The following CSPG4 variants were observed in gnomAD, a reference collection of about 807,000 sequenced individuals.
CSPG4 encodes the protein chondroitin sulfate proteoglycan 4 (melanoma-associated).
In CSPG4, 74 loss-of-function variants were observed where a neutral mutation model predicts 139.3. That is an observed-to-expected ratio of 0.53 (90% CI 0.44 to 0.64). The LOEUF is 0.64. CSPG4 is among the 30% of genes least tolerant of loss of function. The probability of loss-of-function intolerance (pLI) is 0.00; values close to 1 mark genes in which losing one functional copy is unlikely to be tolerated. For missense variants in CSPG4, 2,565 were observed against 3,148.3 expected (o/e 0.81, Z 4.43); for synonymous variants, 1,234 against 1,394.2 (o/e 0.89, Z 2.56).
intron 1 of CSPG4, among the ~76,000 whole-genome samples, chr15:75,700,543 C>G (rs1038511250): frequency 1.1e-4 from 16 of 152,034 alleles, no homozygotes; most frequent in African/African-American, 3.6e-4. Context: ...AGTGCCAGCC[C>G]TGCCCACTGG....
Position 75,689,898 on chromosome 15 carries a change from G to A in CSPG4, c.1167C>T (p.Asp389=), listed in dbSNP as rs148229217. 0.13 allele frequency: 208,552 copies of A among 1,609,954 alleles called. 13,355 individuals are homozygous for A. The highest frequency in any genetic ancestry group is 0.24 in the Middle Eastern group (1,435 of 6,014). Reference sequence around the variant, plus strand: ...AAGCTTCATAATGTCCATAGGCATCGTCCTCATACTCCTCCTCCTCCAGCC... The same window carrying A: ...AAGCTTCATAATGTCCATAGGCATCATCCTCATACTCCTCCTCCTCCAGCC... The part of the protein sequence containing the change: ...GCRLEEEEYE[D]DAYGHYEAFS... Residue 389 remains aspartate, a synonymous_variant, in exon 3 of 10, where the codon GAC becomes GAT. Transcript: ENST00000308508.
Position 75,689,449 on chromosome 15 carries a change from G to A in CSPG4, c.1616C>T (p.Thr539Ile), listed in dbSNP as rs1202458214. The A allele has an allele frequency of 4.3e-6, 7 of 1,612,708 alleles. No homozygotes were observed. The highest frequency in any genetic ancestry group is 5.1e-6 in the Non-Finnish European group (6 of 1,179,868). The part of the protein sequence containing the change: ...PMPSCLRRGQ[T>I]YLLPIQVNPV... ...GTTGACCTGGATGGGCAGGAGGTATGTTTGGCCCCTCCGAAGGCATGAGGG... is the reference window on the plus strand; with the variant it reads ...GTTGACCTGGATGGGCAGGAGGTATATTTGGCCCCTCCGAAGGCATGAGGG... The change falls in exon 3 of 10, where the codon ACA (threonine) becomes ATA (isoleucine). Residue 539 changes from threonine (T) to isoleucine (I), a missense_variant. By Grantham distance (89) the Thr-to-Ile change is moderately conservative. Coordinates refer to ENST00000308508, the MANE Select transcript of CSPG4 (RefSeq NM_001897.5).
chr15:75,690,848 C>T, intron 2 of CSPG4, 36 bp from the exon 3 acceptor site: 1 of 1,564,864 alleles, frequency 6.4e-7, no homozygotes, highest in South Asian at 1.2e-5. Context: ...TAGTGGACAG[C>T]ACTTTGGATC....
intron 1 of CSPG4, among the ~76,000 whole-genome samples, chr15:75,711,915 T>C (rs1363713495): frequency 6.6e-6 from 1 of 151,994 alleles, no homozygotes; most frequent in African/African-American, 2.4e-5. Context: ...ATTCAGCCTC[T>C]GCTGGGTCAG....
At chr15:75,685,156 G>T in intron 4 of CSPG4, 63 bp downstream of exon 4, 1 of 1,507,048 alleles carries the variant, frequency 6.6e-7, no homozygotes, top group Non-Finnish European at 8.9e-7. Context: ...GGAGTCCCCA[G>T]GGCTCCCTCC....
chr15:75,712,872 A>C, upstream of CSPG4: 1 of 822,012 alleles, frequency 1.2e-6, no homozygotes, highest in Non-Finnish European at 1.8e-6. Context: ...GTGTCCGCGC[A>C]CTTAACTCCG....
chr15:75,686,844 G>C (rs1894065952), intron 3 of CSPG4, among the ~76,000 whole-genome samples: 1 of 152,258 alleles, frequency 6.6e-6, no homozygotes, highest in African/African-American at 2.4e-5. Context: ...ACCCAGGTCT[G>C]GGCTCTGAGA....
intron 8 of CSPG4, chr15:75,680,159 T>TG (rs1893953447): frequency 6.6e-6 from 1 of 151,438 alleles, no homozygotes; most frequent in South Asian, 2.1e-4. Flanking sequence ...CCGTCTAAGA[T>TG]GGGGCAGGGC....
rs141434179 is a variant in CSPG4, at chr15:75,689,109, G to C, written c.1956C>G (p.Ala652=). ...VSDGLQASPP[A]TLKVVAIRPA... Reference sequence around the variant, plus strand: ...GCCGGATGGCCACCACCTTCAGCGTGGCCGGGGGGCTGGCCTGCAGTCCAT... The same window carrying C: ...GCCGGATGGCCACCACCTTCAGCGTCGCCGGGGGGCTGGCCTGCAGTCCAT... Residue 652 remains alanine (A), a synonymous_variant, in exon 3 of 10, where the codon GCC becomes GCG. Coordinates refer to ENST00000308508, the MANE Select transcript of CSPG4 (RefSeq NM_001897.5). 1,671 of 1,603,250 alleles carry C rather than the reference G, an allele frequency of 1.0e-3. 3 individuals are homozygous for C. The highest frequency in any genetic ancestry group is 1.9e-3 in the African/African-American group (145 of 74,856).
intron 2 of CSPG4, among the ~76,000 whole-genome samples, chr15:75,692,241 C>T (rs1435084954): frequency 6.6e-6 from 1 of 151,796 alleles, no homozygotes; most frequent in African/African-American, 2.4e-5. Flanking sequence ...GCCTCAGCCT[C>T]CCAAAGTGCT....
At position 75,687,584 on chromosome 15, in the gene CSPG4, C is replaced by A; in HGVS notation, c.3481G>T (p.Gly1161Trp). 6.2e-7 allele frequency: 1 copy of A among 1,610,756 alleles called. No individual in the cohort carries two copies. The change falls in exon 3 of 10, where the codon GGG becomes TGG. Residue 1161 changes from glycine to tryptophan, a missense_variant. Transcript: ENST00000308508. The surrounding 1 kb of genome is among the most constrained non-coding windows in gnomAD (Gnocchi z 5.4). ...HLDTNLDIRS[G>W]DEVHYHVTAG... ...GTGACGTGGTAGTGGACCTCATCCC[C>A]ACTGCGGATGTCGAGGTTGGTGTCC...
rs1893862267 is a variant in CSPG4 at position 75,674,547 on chromosome 15, C to T, written c.*1003G>A. ...GCTGAGGCCAGGCCGGAGGGCCGAC[C>T]CCAGGGGCCCTCTGTATGCAAGCCG... On this transcript the variant is annotated 3_prime_UTR_variant, in exon 10 of 10. Coordinates refer to ENST00000308508, the MANE Select transcript of CSPG4 (RefSeq NM_001897.5). 1 of 392,636 alleles carries T rather than the reference C, an allele frequency of 2.5e-6. No individual in the cohort carries two copies. The highest frequency in any genetic ancestry group is 3.6e-5 in the East Asian group (1 of 27,808). The allele number at this position is 392,636 out of a possible 1,614,324, so 24.3% of individuals were successfully genotyped here.
In CSPG4 at chr15:75,676,208, G is replaced by T. The variant is rs1288529350; in HGVS notation, c.6311C>A (p.Pro2104His). ...CTGCTCCACCAGCTGGCTGCCCCCGGGCTCCGTCCTGGCTCGGGGCACGCG... is the reference window on the plus strand; with the variant it reads ...CTGCTCCACCAGCTGGCTGCCCCCGTGCTCCGTCCTGGCTCGGGGCACGCG... ...VVRVPRARTE[P>H]GGSQLVEQFT... The change falls in exon 10 of 10, where the codon CCC (proline) becomes CAC (histidine). Residue 2104 changes from proline to histidine, a missense_variant. Physicochemically the swap from Pro to His is moderately conservative, Grantham distance 77. Transcript: ENST00000308508. 6.4e-7 allele frequency: 1 copy of T among 1,551,646 alleles called. No homozygotes were observed. Among genetic ancestry groups the T allele is most frequent in the Admixed American group, 1.9e-5 (1 of 52,232 alleles).
chr15:75,676,047 G>T lies in CSPG4; in HGVS notation c.6472C>A (p.Leu2158Met). 1 of 1,547,008 alleles carries T rather than the reference G, an allele frequency of 6.5e-7. No homozygotes were observed. Among genetic ancestry groups the T allele is most frequent in the East Asian group, 2.4e-5 (1 of 42,338 alleles). ...TTGTAAGGCTCAGTGGCAAAGTCCAGGGAGGCCACAGCAGGCGGGACGCCC... is the reference window on the plus strand; with the variant it reads ...TTGTAAGGCTCAGTGGCAAAGTCCATGGAGGCCACAGCAGGCGGGACGCCC... ...AQGVPPAVASLDFATEPYNAA... is the reference protein window; with the variant it reads ...AQGVPPAVASMDFATEPYNAA... The change falls in exon 10 of 10, where the codon CTG (leucine) becomes ATG (methionine). Residue 2158 changes from leucine (L) to methionine (M), a missense_variant. Transcript: ENST00000308508.
rs1461278439 is a variant in CSPG4 at position 75,696,702 on chromosome 15, C to T, written c.89-3469G>A. Among the ~76,000 whole-genome samples the T allele has an allele frequency of 6.6e-6, 1 of 152,138 alleles. No individual in the cohort carries two copies. Among genetic ancestry groups the T allele is most frequent in the Non-Finnish European group, 1.5e-5 (1 of 68,008 alleles). Reference sequence around the variant, plus strand: ...GAGGTTTGCTAAAGGTGGGTACATCCTCAGGCTTCCCACCCTTCCTCCCCA... The same window carrying T: ...GAGGTTTGCTAAAGGTGGGTACATCTTCAGGCTTCCCACCCTTCCTCCCCA... On this transcript the variant is annotated intron_variant, in intron 1 of 9. Coordinates refer to ENST00000308508, the MANE Select transcript of CSPG4 (RefSeq NM_001897.5). This position sits in a 1 kb window ranked among gnomAD's most constrained non-coding sequence, Gnocchi z 4.2.
chr15:75,675,324 GC>G lies in CSPG4; in HGVS notation c.*225del. ...TGAACTTAAGCCTGCCTCCACCTTGGCCCCTGCAGTTCTCCAGGCTCGGAGT... is the reference window on the plus strand; with the variant it reads ...TGAACTTAAGCCTGCCTCCACCTTGGCCCTGCAGTTCTCCAGGCTCGGAGT... On this transcript the variant is annotated 3_prime_UTR_variant, in exon 10 of 10. Coordinates refer to ENST00000308508, the MANE Select transcript of CSPG4 (RefSeq NM_001897.5). 1 of 419,224 alleles carries G rather than the reference GC, an allele frequency of 2.4e-6. No individual in the cohort carries two copies. The highest frequency in any genetic ancestry group is 4.0e-6 in the Non-Finnish European group (1 of 247,870). The allele number at this position is 419,224 out of a possible 1,614,324, so 26.0% of individuals were successfully genotyped here.
intron 1 of CSPG4, among the ~76,000 whole-genome samples, chr15:75,707,271 C>T (rs1894386657): frequency 1.3e-5 from 2 of 152,126 alleles, no homozygotes; most frequent in African/African-American, 4.8e-5. Context: ...CACATAAGAA[C>T]TTAACATAAA....
chr15:75,677,155 G>A lies in CSPG4; in HGVS notation c.5364C>T (p.His1788=), dbSNP rs370503255. 2.7e-5 allele frequency: 39 copies of A among 1,433,302 alleles called. No homozygotes were observed. The highest frequency in any genetic ancestry group is 1.0e-4 in the African/African-American group (7 of 69,584). The allele number at this position is 1,433,302 out of a possible 1,614,324, so 88.8% of individuals were successfully genotyped here. A position where few individuals can be genotyped will look rare whatever the true frequency, so the allele number is the denominator to read the frequency against. Reference sequence around the variant, plus strand: ...CATCCTGCTGGGTGCCCCCACCGCCGTGGGCATACACTAGCTGCCCTGCAG... The same window carrying A: ...CATCCTGCTGGGTGCCCCCACCGCCATGGGCATACACTAGCTGCCCTGCAG... ...QLAAGQLVYA[H]GGGGTQQDGF... Residue 1788 remains histidine, a synonymous_variant, in exon 10 of 10, where the codon CAC becomes CAT. Coordinates refer to ENST00000308508, the MANE Select transcript of CSPG4 (RefSeq NM_001897.5).
chr15:75,675,904 A>C lies in CSPG4; in HGVS notation c.6615T>G (p.Pro2205=). ...TGEPGPMASS[P]EPAVAKGGFL... The stretch of plus-strand genomic sequence containing the variant: ...AGCCTCCCTTGGCCACAGCGGGCTC[A>C]GGGCTGGATGCCATGGGGCCTGGCT... The change falls in exon 10 of 10, where the codon CCT becomes CCG. Residue 2205 remains proline (P), a synonymous_variant. Transcript: ENST00000308508. 1 of 1,603,060 alleles carries C rather than the reference A, an allele frequency of 6.2e-7. No homozygotes were observed. Among genetic ancestry groups the C allele is most frequent in the Non-Finnish European group, 8.5e-7 (1 of 1,179,622 alleles).
Sources: allele counts gnomAD v4.1 joint callset (sites outside exome capture counted in the v4.1 genomes callset), GRCh38; gene constraint gnomAD v4.1.1; non-coding constraint Gnocchi (gnomAD v3.1); transcripts MANE v1.5; gene names NCBI Gene and HGNC (gene_info 2026-07-23, HGNC 2026-07-21).